The following KLB variants were observed in gnomAD, a reference collection of about 807,000 sequenced individuals.
KLB encodes the protein klotho beta, also known as beta-klotho.
KLB carries 44 observed loss-of-function variants against 88.4 expected under a neutral mutation model. The observed-to-expected ratio is 0.50, with a 90% CI of 0.39 to 0.64. The LOEUF is 0.64. Ranked by LOEUF, KLB falls within the 30% of genes least tolerant of loss-of-function variation. KLB has a pLI of 0.00. For synonymous variants in KLB, 548 were observed against 513.4 expected, an observed-to-expected ratio of 1.07 and a Z score of -0.91; for missense variants, 1,137 against 1,304.8, an observed-to-expected ratio of 0.87 and a Z score of 1.98.
In KLB at chr4:39,443,759, A is replaced by T. The variant is rs59384595; in HGVS notation, c.1606-2573A>T. On this transcript the variant is annotated intron_variant, in intron 3 of 4. Coordinates refer to ENST00000257408, the MANE Select transcript of KLB (RefSeq NM_175737.4). Reference sequence around the variant, plus strand: ...CTGGGCAACACAGTGAGACTTTGTCAAAAAAAAAAAAAAAAAAAGAAAAAA... The same window carrying T: ...CTGGGCAACACAGTGAGACTTTGTCTAAAAAAAAAAAAAAAAAAGAAAAAA... Among the ~76,000 whole-genome samples the T allele has an allele frequency of 6.6e-3, 299 of 45,314 alleles. 6 individuals are homozygous for T. The highest frequency in any genetic ancestry group is 9.1e-3 in the Non-Finnish European group (169 of 18,516). 29.7% of individuals were successfully genotyped at this position (45,314 alleles called of 152,430 possible).
At position 39,437,849 on chromosome 4, in the gene KLB, CAGAA is replaced by C; in HGVS notation, c.1463_1466del (p.Lys488SerfsTer22). The C allele has an allele frequency of 6.2e-7, 1 of 1,614,170 alleles. No homozygotes were observed. Among genetic ancestry groups the C allele is most frequent in the Non-Finnish European group, 8.5e-7 (1 of 1,180,028 alleles). Reference sequence around the variant, plus strand: ...ATTTTATGTGGATTTTAACAGTAAACAGAAAGAGCGGAAACCTAAGTCTTCAGCA... The same window carrying C: ...ATTTTATGTGGATTTTAACAGTAAACAGAGCGGAAACCTAAGTCTTCAGCA... On this transcript the variant is annotated frameshift_variant, in exon 3 of 5. Coordinates refer to ENST00000257408, the MANE Select transcript of KLB (RefSeq NM_175737.4). LOFTEE classifies it high-confidence loss of function.
At chr4:39,429,285 G>T (rs1251574869) in intron 1 of KLB, among the ~76,000 whole-genome samples, 1 of 152,190 alleles carries the variant, frequency 6.6e-6, no homozygotes, top group Non-Finnish European at 1.5e-5. Context: ...TGTTTGGCTT[G>T]CTCATCTGTC....
intron 4 of KLB, 84 bp from the exon 5 acceptor site, chr4:39,448,217 G>C (rs1400958493): frequency 9.5e-7 from 1 of 1,049,108 alleles, no homozygotes; most frequent in African/African-American, 1.6e-5. Context: ...CATAATTTTA[G>C]CTTGTTTCAA....
intron 1 of KLB, among the ~76,000 whole-genome samples, chr4:39,432,477 C>T (rs1376712756): frequency 6.6e-6 from 1 of 152,192 alleles, no homozygotes; most frequent in Non-Finnish European, 1.5e-5. Context: ...TTTGCTCCTT[C>T]AGCTGTGGCT....
At chr4:39,419,469 A>G (rs1367772799) in intron 1 of KLB, among the ~76,000 whole-genome samples, 1 of 152,186 alleles carries the variant, frequency 6.6e-6, no homozygotes, top group Non-Finnish European at 1.5e-5. Context: ...AGCAAACTCA[A>G]CATTCGAAAA....
Position 39,447,346 on chromosome 4 carries a change from C to T in KLB, c.2620C>T (p.Arg874Trp). 6.2e-7 allele frequency: 1 copy of T among 1,614,042 alleles called. No homozygotes were observed. Among genetic ancestry groups the T allele is most frequent in the South Asian group, 1.1e-5 (1 of 91,082 alleles). The change falls in exon 4 of 5, where the codon CGG (arginine) becomes TGG (tryptophan). Residue 874 changes from arginine to tryptophan, a missense_variant. Physicochemically the swap from Arg to Trp is moderately radical, Grantham distance 101. Transcript: ENST00000257408. ...TCCCTGGGGGGTGCGCAAGCTGCTG[C>T]GGTGGGTCCGGAGGAACTACGGCGA... is the stretch of plus-strand genomic sequence containing the variant. ...VIPWGVRKLL[R>W]WVRRNYGDMD...
intron 1 of KLB, among the ~76,000 whole-genome samples, chr4:39,429,583 A>G (rs1211922909): frequency 1.3e-5 from 2 of 152,240 alleles, no homozygotes; most frequent in Non-Finnish European, 2.9e-5. Context: ...AATCTAAAGA[A>G]CAAAGGTTGA....
At position 39,448,442 on chromosome 4, in the gene KLB, G is replaced by C; in HGVS notation, c.2891G>C (p.Ser964Thr). The C allele has an allele frequency of 6.2e-7, 1 of 1,614,158 alleles. No individual in the cohort carries two copies. Among genetic ancestry groups the C allele is most frequent in the East Asian group, 2.2e-5 (1 of 44,872 alleles). Reference sequence around the variant, plus strand: ...CAATTTTACAACAAAGTGATCAGCAGCAGGGGCTTCCCTTTTGAGAACAGT... The same window carrying C: ...CAATTTTACAACAAAGTGATCAGCACCAGGGGCTTCCCTTTTGAGAACAGT... ...SIQFYNKVIS[S>T]RGFPFENSSS... Residue 964 changes from serine (S) to threonine (T), a missense_variant, in exon 5 of 5, where the codon AGC becomes ACC. Physicochemically the swap from Ser to Thr is moderately conservative, Grantham distance 58. Around this residue, in one of 4 missense-constraint regions of KLB, gnomAD observed 426 missense variants for 404.6 expected, o/e 1.05. Coordinates refer to ENST00000257408, the MANE Select transcript of KLB (RefSeq NM_175737.4).
In KLB at chr4:39,414,131, A is replaced by G. The variant is rs543742912; in HGVS notation, c.825+6357A>G. Among the ~76,000 whole-genome samples the G allele has an allele frequency of 3.3e-5, 5 of 152,270 alleles. 1 individual carries two copies. Among genetic ancestry groups the G allele is most frequent in the East Asian group, 1.9e-4 (1 of 5,184 alleles). ...CCTTTGAAAACCACTGACTTATTCT[A>G]TAGTAGACAACTGGTTAAAGACATG... is the stretch of plus-strand genomic sequence containing the variant. On this transcript the variant is annotated intron_variant, in intron 1 of 4. Transcript: ENST00000257408.
At position 39,448,677 on chromosome 4, in the gene KLB, T is replaced by G; in HGVS notation, c.3126T>G (p.Val1042=). The G allele has an allele frequency of 1.2e-6, 2 of 1,607,978 alleles. No individual in the cohort carries two copies. The highest frequency in any genetic ancestry group is 1.7e-6 in the Non-Finnish European group (2 of 1,179,386). The part of the protein sequence containing the change: ...QHIPLKKGKR[V]VS ...TACCATTAAAGAAAGGCAAGAGAGTTGTTAGCTAAACTGATCTGTCTGCAT... is the reference window on the plus strand; with the variant it reads ...TACCATTAAAGAAAGGCAAGAGAGTGGTTAGCTAAACTGATCTGTCTGCAT... The change falls in exon 5 of 5, where the codon GTT becomes GTG. Residue 1042 remains valine (V), a synonymous_variant. Transcript: ENST00000257408.
chr4:39,445,504 CTTTTTTTTTT>C (rs10634518), intron 3 of KLB, among the ~76,000 whole-genome samples: 9 of 131,702 alleles, frequency 6.8e-5, no homozygotes, highest in African/African-American at 2.5e-4. Flanking sequence ...CTTTTCTTTT[CTTTTTTTTTT>C]TTTTTTGAGA....
intron 1 of KLB, among the ~76,000 whole-genome samples, chr4:39,432,387 G>A (rs1743383867): frequency 6.6e-6 from 1 of 152,166 alleles, no homozygotes; most frequent in South Asian, 2.1e-4. Context: ...GAGTGGTTCT[G>A]ACACAGATGA....
chr4:39,434,631 A>G lies in KLB; in HGVS notation c.1247A>G (p.Glu416Gly), dbSNP rs1203467887. 6.2e-7 allele frequency: 1 copy of G among 1,613,972 alleles called. No homozygotes were observed. Among genetic ancestry groups the G allele is most frequent in the Non-Finnish European group, 8.5e-7 (1 of 1,179,934 alleles). The part of the protein sequence containing the change: ...EYNNPRILIA[E>G]NGWFTDSRVK... ...AACAACCCTCGAATCTTGATTGCTG[A>G]GAATGGCTGGTTCACAGACAGTCGT... is the stretch of plus-strand genomic sequence containing the variant. Residue 416 changes from glutamate to glycine, a missense_variant, in exon 2 of 5, where the codon GAG (glutamate) becomes GGG (glycine). Glu to Gly is a moderately conservative substitution (Grantham distance 98). Coordinates refer to ENST00000257408, the MANE Select transcript of KLB (RefSeq NM_175737.4).
chr4:39,435,369 C>G (rs1327426176), intron 2 of KLB, among the ~76,000 whole-genome samples: 1 of 152,122 alleles, frequency 6.6e-6, no homozygotes, highest in Non-Finnish European at 1.5e-5. Context: ...CCACTCGCCT[C>G]GGCCTCCCAA....
At chr4:39,422,455 C>T (rs1179140099) in intron 1 of KLB, among the ~76,000 whole-genome samples, 2 of 152,166 alleles carry the variant, frequency 1.3e-5, no homozygotes, top group Non-Finnish European at 2.9e-5. Flanking sequence ...CTAACCTCTC[C>T]ACCCCCTGGT....
At chr4:39,448,192 T>C in intron 4 of KLB, 109 bp from the exon 5 acceptor site, 1 of 739,546 alleles carries the variant, frequency 1.4e-6, no homozygotes, top group Non-Finnish European at 2.2e-6. Context: ...TAAAAATCAC[T>C]ACCTTTATTA....
At chr4:39,443,923 G>A (rs1017197138) in intron 3 of KLB, among the ~76,000 whole-genome samples, 14 of 151,864 alleles carry the variant, frequency 9.2e-5, no homozygotes, top group African/African-American at 2.4e-4. Context: ...TTGGGAGGCC[G>A]AGGTGGGTGG....
At chr4:39,441,924 A>C (rs1433505453) in intron 3 of KLB, among the ~76,000 whole-genome samples, 1 of 149,034 alleles carries the variant, frequency 6.7e-6, no homozygotes, top group Non-Finnish European at 1.5e-5. Flanking sequence ...GAGACTGATA[A>C]AATTAAAGTA....
intron 3 of KLB, among the ~76,000 whole-genome samples, chr4:39,438,611 A>G (rs1240297340): frequency 2.0e-5 from 3 of 152,188 alleles, no homozygotes; most frequent in South Asian, 2.1e-4. Flanking sequence ...CACATTTTCC[A>G]TACTTATCAC....
Sources: gnomAD v4.1 joint callset for allele counts (sites outside exome capture counted in the v4.1 genomes callset) on GRCh38, gnomAD v4.1.1 for gene constraint, gnomAD v4.1.1 regional missense constraint, MANE v1.5 for transcripts, NCBI Gene and HGNC (gene_info 2026-07-23, HGNC 2026-07-21) for gene names.